The following PCED1B variants were observed in gnomAD, a reference collection of about 807,000 sequenced individuals.
PCED1B encodes the protein PC-esterase domain-containing protein 1B.
For missense variants in PCED1B, 573 were observed against 573.9 expected (o/e 1.00, Z 0.02); for synonymous variants, 251 against 246.1 (o/e 1.02, Z -0.19).
At chr12:47,231,612 C>T (rs577445848) in intron 3 of PCED1B, among the ~76,000 whole-genome samples, 3 of 152,226 alleles carry the variant, frequency 2.0e-5, no homozygotes, top group African/African-American at 4.8e-5. Context: ...CAAGCATCTT[C>T]GCTCAAAAAT....
chr12:47,174,414 A>T (rs1941856100), intron 2 of PCED1B, among the ~76,000 whole-genome samples: 1 of 151,490 alleles, frequency 6.6e-6, no homozygotes, highest in Non-Finnish European at 1.5e-5. Context: ...ATCCAAAAAA[A>T]AAAAACAAAC....
At chr12:47,101,968 G>A (rs1186578582) in intron 1 of PCED1B, among the ~76,000 whole-genome samples, 1 of 151,890 alleles carries the variant, frequency 6.6e-6, no homozygotes, top group Non-Finnish European at 1.5e-5. Flanking sequence ...GGAGGGGGAA[G>A]ATTTGAATTT....
chr12:47,159,333 G>A (rs746204153), intron 2 of PCED1B, among the ~76,000 whole-genome samples: 8 of 151,954 alleles, frequency 5.3e-5, no homozygotes, highest in African/African-American at 7.2e-5. Context: ...ACTGTTTTCC[G>A]TAATGGCTGT....
At position 47,185,171 on chromosome 12, in the gene PCED1B, T is replaced by C. The variant is rs142580107; in HGVS notation, c.-525-31051T>C. On this transcript the variant is annotated intron_variant, in intron 2 of 3. Transcript: ENST00000546455. ...TGTGTCCCCAAAAAAGATATGTTGA[T>C]ATCCTAACCCAGATACCTGCAAATG... 2.8e-3 allele frequency among the ~76,000 whole-genome samples: 432 copies of C among 152,346 alleles called. 6 individuals carry two copies. In the South Asian group the frequency reaches 0.032, roughly 11 times the overall value.
intron 1 of PCED1B, among the ~76,000 whole-genome samples, chr12:47,086,360 T>TAAAA (rs3045485): frequency 5.2e-5 from 5 of 95,552 alleles, no homozygotes; most frequent in African/African-American, 1.8e-4. Context: ...GTGCTTATGG[T>TAAAA]AAAAAAAAAA....
At position 47,096,719 on chromosome 12, in the gene PCED1B, T is replaced by C. The variant is rs1226489298; in HGVS notation, c.-608-7394T>C. 2.0e-5 allele frequency among the ~76,000 whole-genome samples: 3 copies of C among 152,186 alleles called. No homozygotes were observed. In the East Asian group the frequency reaches 5.8e-4, roughly 29 times the overall value. On this transcript the variant is annotated intron_variant, in intron 1 of 3. Coordinates refer to ENST00000546455, the MANE Select transcript of PCED1B (RefSeq NM_138371.3). Reference sequence around the variant, plus strand: ...TTTCGTTAAAAGGATATTACAGATATTACTTGCTTTGTTTAATAATTATCT... The same window carrying C: ...TTTCGTTAAAAGGATATTACAGATACTACTTGCTTTGTTTAATAATTATCT...
rs771520499 is a variant in PCED1B at position 47,236,196 on chromosome 12, A to T, written c.1133A>T (p.Gln378Leu). The T allele has an allele frequency of 6.2e-7, 1 of 1,614,096 alleles. No individual in the cohort carries two copies. Among genetic ancestry groups the T allele is most frequent in the South Asian group, 1.1e-5 (1 of 91,082 alleles). Residue 378 changes from glutamine (Q) to leucine (L), a missense_variant, in exon 4 of 4, where the codon CAG (glutamine) becomes CTG (leucine). Coordinates refer to ENST00000546455, the MANE Select transcript of PCED1B (RefSeq NM_138371.3). Reference protein sequence around the residue: ...FVEDNFMVGPQLPMPFFPTPR... With the variant: ...FVEDNFMVGPLLPMPFFPTPR... Reference sequence around the variant, plus strand: ...GAAGACAATTTTATGGTTGGTCCTCAGCTGCCTATGCCCTTCTTCCCCACA... The same window carrying T: ...GAAGACAATTTTATGGTTGGTCCTCTGCTGCCTATGCCCTTCTTCCCCACA...
chr12:47,174,416 AAAACAAACAAAAC>A (rs1355625854), intron 2 of PCED1B, among the ~76,000 whole-genome samples: 7 of 150,942 alleles, frequency 4.6e-5, no homozygotes, highest in Admixed American at 3.3e-4. Flanking sequence ...CCAAAAAAAA[AAAACAAACAAAAC>A]AAACAAACAA....
At position 47,231,536 on chromosome 12, in the gene PCED1B, A is replaced by T. The variant is rs538301841; in HGVS notation, c.-57-3471A>T. Among the ~76,000 whole-genome samples, 77 of 152,292 alleles carry T rather than the reference A, an allele frequency of 5.1e-4. 1 individual carries two copies. The highest frequency in any genetic ancestry group is 7.9e-4 in the Non-Finnish European group (54 of 68,024). On this transcript the variant is annotated intron_variant, in intron 3 of 3. Coordinates refer to ENST00000546455, the MANE Select transcript of PCED1B (RefSeq NM_138371.3). Reference sequence around the variant, plus strand: ...TTGGTGCAGAGAAGGCCGCTTTTTCACAGGAATTTTTATGGCTTGATAAGA... The same window carrying T: ...TTGGTGCAGAGAAGGCCGCTTTTTCTCAGGAATTTTTATGGCTTGATAAGA...
At chr12:47,098,774 G>T (rs1938583704) in intron 1 of PCED1B, among the ~76,000 whole-genome samples, 1 of 152,094 alleles carries the variant, frequency 6.6e-6, no homozygotes, top group South Asian at 2.1e-4. Flanking sequence ...GAGCCACCGC[G>T]CCTGGCCATA....
intron 1 of PCED1B, among the ~76,000 whole-genome samples, chr12:47,102,143 C>T (rs1303284492): frequency 3.3e-5 from 5 of 152,166 alleles, no homozygotes; most frequent in Admixed American, 6.5e-5. Flanking sequence ...TTCATTAAAA[C>T]ACATGGCCTA....
At chr12:47,115,356 T>TC (rs1163307582) in intron 2 of PCED1B, among the ~76,000 whole-genome samples, 1 of 152,168 alleles carries the variant, frequency 6.6e-6, no homozygotes, top group Non-Finnish European at 1.5e-5. Flanking sequence ...TCCTCCTTGC[T>TC]CCCCTGCCCC....
chr12:47,119,513 T>C (rs1427296330), intron 2 of PCED1B, among the ~76,000 whole-genome samples: 1 of 151,676 alleles, frequency 6.6e-6, no homozygotes, highest in Non-Finnish European at 1.5e-5. Flanking sequence ...CTGGACAACA[T>C]AGTGAAACTG....
chr12:47,225,112 G>C (rs920724556), intron 3 of PCED1B, among the ~76,000 whole-genome samples: 7 of 151,880 alleles, frequency 4.6e-5, no homozygotes, highest in Non-Finnish European at 1.0e-4. Flanking sequence ...TTGTATTTTT[G>C]GTACAGACGG....
At position 47,236,209 on chromosome 12, in the gene PCED1B, C is replaced by T. The variant is rs777112473; in HGVS notation, c.1146C>T (p.Pro382=). ...NFMVGPQLPM[P]FFPTPRYQRP... ...TGGTTGGTCCTCAGCTGCCTATGCCCTTCTTCCCCACACCCCGTTATCAGC... is the reference window on the plus strand; with the variant it reads ...TGGTTGGTCCTCAGCTGCCTATGCCTTTCTTCCCCACACCCCGTTATCAGC... Residue 382 remains proline, a synonymous_variant, in exon 4 of 4, where the codon CCC becomes CCT. Coordinates refer to ENST00000546455, the MANE Select transcript of PCED1B (RefSeq NM_138371.3). 1 of 1,614,120 alleles carries T rather than the reference C, an allele frequency of 6.2e-7. No homozygotes were observed. Among genetic ancestry groups the T allele is most frequent in the Non-Finnish European group, 8.5e-7 (1 of 1,180,018 alleles).
At chr12:47,158,142 T>A (rs1592216108) in intron 2 of PCED1B, among the ~76,000 whole-genome samples, 1 of 152,360 alleles carries the variant, frequency 6.6e-6, no homozygotes, top group East Asian at 1.9e-4. Context: ...TTTCTTTGAA[T>A]CTCTGCTTTC....
intron 2 of PCED1B, among the ~76,000 whole-genome samples, chr12:47,127,725 AT>A (rs569972627): frequency 6.6e-6 from 1 of 152,184 alleles, no homozygotes; most frequent in South Asian, 2.1e-4. Context: ...TAAAACTTAA[AT>A]TCTTTAACAT....
rs187577292 is a variant in PCED1B, at chr12:47,198,740, G to A, written c.-525-17482G>A. Among the ~76,000 whole-genome samples the A allele has an allele frequency of 6.9e-4, 105 of 152,176 alleles. No homozygotes were observed. In the South Asian group the frequency reaches 8.1e-3, roughly 12 times the overall value. ...AGCACTTTGGGTGGCCAAGGCAGGC[G>A]GATCACCTGAGGTCAGGAGTTTGAG... On this transcript the variant is annotated intron_variant, in intron 2 of 3. Transcript: ENST00000546455.
chr12:47,179,402 A>G lies in PCED1B; in HGVS notation c.-525-36820A>G, dbSNP rs918780564. On this transcript the variant is annotated intron_variant, in intron 2 of 3. Transcript: ENST00000546455. ...CAAATGCAAAAATTGCACCAATATA[A>G]TCATTCATCCTCTCAGAGTCTGCTT... 3.3e-5 allele frequency among the ~76,000 whole-genome samples: 5 copies of G among 152,190 alleles called. No homozygotes were observed. The East Asian group carries it at 9.6e-4, about 29-fold the overall frequency.
Sources: allele counts gnomAD v4.1 joint callset (sites outside exome capture counted in the v4.1 genomes callset), GRCh38; gene constraint gnomAD v4.1.1; transcripts MANE v1.5; gene names NCBI Gene and HGNC (gene_info 2026-07-23, HGNC 2026-07-21).